DRC8: variants seen among roughly 807,000 people sequenced by gnomAD.
DRC8 encodes dynein regulatory complex protein 8.
the DRC8 span, among the ~76,000 whole-genome samples, chr1:245,119,344 G>GCT: frequency 6.8e-6 from 1 of 147,780 alleles, no homozygotes; most frequent in South Asian, 2.1e-4. Context: ...AAATTGGAGA[G>GCT]TTTTTTTTTT....
chr1:245,046,038 C>T, the DRC8 span, among the ~76,000 whole-genome samples: 1 of 152,176 alleles, frequency 6.6e-6, no homozygotes, highest in African/African-American at 2.4e-5. Flanking sequence ...ATTGCCCTGC[C>T]TCAGCCTGGC....
the DRC8 span, among the ~76,000 whole-genome samples, chr1:245,004,535 ACT>A: frequency 6.6e-6 from 1 of 151,852 alleles, no homozygotes. Context: ...GTACCACCAC[ACT>A]CAGTGAATTA....
At chr1:245,009,028 CTTTT>C in the DRC8 span, among the ~76,000 whole-genome samples, 57 of 64,426 alleles carry the variant, frequency 8.8e-4, no homozygotes, top group East Asian at 6.4e-3. Flanking sequence ...TTATGCTTTT[CTTTT>C]TTTTTTTTTT....
chr1:244,978,719 G>A, the DRC8 span, among the ~76,000 whole-genome samples: 1 of 152,050 alleles, frequency 6.6e-6, no homozygotes, highest in African/African-American at 2.4e-5. Context: ...CAAACTCCTG[G>A]CCTCAGGCAA....
the DRC8 span, among the ~76,000 whole-genome samples, chr1:245,063,730 T>C: frequency 6.6e-6 from 1 of 152,150 alleles, no homozygotes; most frequent in African/African-American, 2.4e-5. Context: ...AGATCTCAAC[T>C]CTTTTTTTTG....
the DRC8 span, among the ~76,000 whole-genome samples, chr1:245,099,758 A>C: frequency 1.3e-5 from 2 of 152,230 alleles, no homozygotes; most frequent in South Asian, 4.1e-4. Context: ...GAAGGAAAAA[A>C]CAAAAAATAG....
chr1:245,000,634 A>T, the DRC8 span, among the ~76,000 whole-genome samples: 1 of 152,098 alleles, frequency 6.6e-6, no homozygotes, highest in Admixed American at 6.6e-5. Context: ...CAAAAAAATT[A>T]GCTGGGCATG....
At chr1:244,996,015 C>T in the DRC8 span, among the ~76,000 whole-genome samples, 14 of 152,294 alleles carry the variant, frequency 9.2e-5, no homozygotes, top group East Asian at 3.9e-4. Flanking sequence ...TAACAAATTA[C>T]CCCCAAAACT....
chr1:245,055,790 G>A, the DRC8 span, among the ~76,000 whole-genome samples: 1 of 152,142 alleles, frequency 6.6e-6, no homozygotes, highest in South Asian at 2.1e-4. Flanking sequence ...CTTGCCGCTC[G>A]CTGCCTATCC....
the DRC8 span, among the ~76,000 whole-genome samples, chr1:245,120,817 C>A: frequency 6.6e-6 from 1 of 152,214 alleles, no homozygotes; most frequent in Non-Finnish European, 1.5e-5. Flanking sequence ...ACATGAATAA[C>A]GTGGAATAAT....
the DRC8 span, among the ~76,000 whole-genome samples, chr1:245,050,233 T>C: frequency 6.6e-6 from 1 of 152,220 alleles, no homozygotes; most frequent in East Asian, 1.9e-4. Flanking sequence ...GTCTTTTTTT[T>C]CTTTTTTCTT....
At chr1:245,005,126 G>T in the DRC8 span, among the ~76,000 whole-genome samples, 1 of 152,074 alleles carries the variant, frequency 6.6e-6, no homozygotes, top group South Asian at 2.1e-4. Context: ...ATCCCATTTG[G>T]TCATAGTGGA....
At chr1:245,091,065 G>C in the DRC8 span, 1 of 152,166 alleles carries the variant, frequency 6.6e-6, no homozygotes, top group Non-Finnish European at 1.5e-5. Context: ...TCCAAATAGA[G>C]ACCTGATGTG....
At chr1:245,054,776 G>T in the DRC8 span, among the ~76,000 whole-genome samples, 2 of 152,002 alleles carry the variant, frequency 1.3e-5, no homozygotes, top group African/African-American at 4.8e-5. Flanking sequence ...CCTGCACTTC[G>T]CACTCTTATG....
the DRC8 span, among the ~76,000 whole-genome samples, chr1:245,023,454 T>C: frequency 6.6e-6 from 1 of 152,248 alleles, no homozygotes. Context: ...ACCACTGTAC[T>C]GTTTTCCACA....
the DRC8 span, among the ~76,000 whole-genome samples, chr1:245,119,344 G>GTTT: frequency 0.025 from 3,637 of 147,646 alleles, 56 homozygotes; most frequent in Non-Finnish European, 0.032. Flanking sequence ...AAATTGGAGA[G>GTTT]TTTTTTTTTT....
the DRC8 span, among the ~76,000 whole-genome samples, chr1:245,012,830 G>A: frequency 6.6e-6 from 1 of 152,160 alleles, no homozygotes; most frequent in Non-Finnish European, 1.5e-5. Context: ...TTTCTAAATT[G>A]TATATGGATT....
the DRC8 span, among the ~76,000 whole-genome samples, chr1:245,101,363 C>A: frequency 2.0e-5 from 3 of 152,140 alleles, no homozygotes; most frequent in Non-Finnish European, 4.4e-5. Flanking sequence ...TCTGTCTTCT[C>A]TACTTGATAA....
chr1:244,988,730 G>A, the DRC8 span, among the ~76,000 whole-genome samples: 2 of 152,094 alleles, frequency 1.3e-5, no homozygotes, highest in South Asian at 2.1e-4. Context: ...AACCAAATCT[G>A]TGTAACTTAC....
Sources: allele counts gnomAD v4.1 joint callset (sites outside exome capture counted in the v4.1 genomes callset), GRCh38; gene constraint gnomAD v4.1.1; transcripts MANE v1.5; gene names NCBI Gene and HGNC (gene_info 2026-07-23, HGNC 2026-07-21).